IQANK1: variants seen among roughly 807,000 people sequenced by gnomAD.
IQANK1 encodes the protein IQ motif and ankyrin repeat domain-containing protein 1.
A neutral mutation model predicts 22.6 loss-of-function variants in IQANK1; 30 were observed. That is an observed-to-expected ratio of 1.33 (90% confidence interval 0.99 to 1.80). The LOEUF (loss-of-function observed/expected upper bound fraction) is 1.80, where lower values mean the gene tolerates loss of function less well. Ranked by LOEUF, IQANK1 falls within the 40% of genes most tolerant of loss-of-function variation. The probability of loss-of-function intolerance (pLI) is 0.00; values close to 1 mark genes in which losing one functional copy is unlikely to be tolerated. For synonymous variants in IQANK1, 122 were observed against 99.6 expected (o/e 1.23, Z -1.34); for missense variants, 275 against 235.2 (o/e 1.17, Z -1.11).
chr8:143,743,782 G>T (rs1392171306), intron 3 of IQANK1: 2 of 381,948 alleles, frequency 5.2e-6, no homozygotes, highest in African/African-American at 4.3e-5. Context: ...AGATAAGTGA[G>T]ATCAGAAACA....
intron 3 of IQANK1, among the ~76,000 whole-genome samples, chr8:143,763,804 A>G (rs1276652694): frequency 6.6e-6 from 1 of 152,218 alleles, no homozygotes; most frequent in Non-Finnish European, 1.5e-5. Context: ...CTCTGTGGCA[A>G]TGCAAAAACA....
intron 3 of IQANK1, among the ~76,000 whole-genome samples, chr8:143,750,757 T>A (rs1554627923): frequency 6.6e-6 from 1 of 152,102 alleles, no homozygotes; most frequent in Non-Finnish European, 1.5e-5. Flanking sequence ...GAGGTTACAG[T>A]GAGCTATGAT....
At chr8:143,738,376 G>C (rs1461358352) in intron 2 of IQANK1, among the ~76,000 whole-genome samples, 3 of 152,184 alleles carry the variant, frequency 2.0e-5, no homozygotes, top group African/African-American at 4.8e-5. Flanking sequence ...TTGGCCCCCT[G>C]TTCCAGGTCC....
chr8:143,780,473 C>G (rs908605510), intron 7 of IQANK1, among the ~76,000 whole-genome samples: 1 of 152,130 alleles, frequency 6.6e-6, no homozygotes, highest in Non-Finnish European at 1.5e-5. Context: ...CCTCCCTCCT[C>G]CCACCCTCCA....
intron 3 of IQANK1, among the ~76,000 whole-genome samples, chr8:143,748,589 T>C (rs1235499469): frequency 3.2e-5 from 4 of 123,636 alleles, no homozygotes; most frequent in Admixed American, 2.7e-4. Flanking sequence ...TAAATATAGA[T>C]ATGATATATA....
intron 7 of IQANK1, among the ~76,000 whole-genome samples, chr8:143,784,828 C>A (rs1297700120): frequency 6.6e-6 from 1 of 152,166 alleles, no homozygotes; most frequent in Non-Finnish European, 1.5e-5. Flanking sequence ...AAGTGTAATC[C>A]TATACTATGT....
At chr8:143,752,453 G>T (rs1819213818) in intron 3 of IQANK1, among the ~76,000 whole-genome samples, 1 of 152,076 alleles carries the variant, frequency 6.6e-6, no homozygotes, top group Non-Finnish European at 1.5e-5. Context: ...GGGTCTCTTT[G>T]AGTTCATTTT....
At chr8:143,740,544 C>G (rs1818880008) in intron 3 of IQANK1, among the ~76,000 whole-genome samples, 1 of 152,264 alleles carries the variant, frequency 6.6e-6, no homozygotes, top group African/African-American at 2.4e-5. Context: ...GCCTGCCCTC[C>G]TGCTTCTGCG....
rs544807076 is a variant in IQANK1 at position 143,789,973 on chromosome 8, G to C, written c.1198G>C (p.Glu400Gln). 8.1e-7 allele frequency: 1 copy of C among 1,232,048 alleles called. No homozygotes were observed. The highest frequency in any genetic ancestry group is 4.1e-5 in the South Asian group (1 of 24,324). The allele number at this position is 1,232,048 out of a possible 1,614,324, so 76.3% of individuals were successfully genotyped here. A position where few individuals can be genotyped will look rare whatever the true frequency, so the allele number is the denominator to read the frequency against. ...GCTGCACTCTGCTACCCCGACAGGG[G>C]AGGAAGAGGCGCCTGGGCTGAAGTG... ...LELREQTQEG[E>Q]EEAPGLKCQV... Residue 400 changes from glutamate (E) to glutamine (Q), a missense_variant and splice_region_variant, in exon 12 of 14, where the codon GAG becomes CAG. Transcript: ENST00000527139.
intron 3 of IQANK1, among the ~76,000 whole-genome samples, chr8:143,749,439 AATT>A (rs1370986082): frequency 7.4e-6 from 1 of 135,342 alleles, no homozygotes; most frequent in Non-Finnish European, 1.5e-5. Flanking sequence ...TCTCATATAT[AATT>A]ATATATTATA....
At chr8:143,772,848 G>C (rs553952336) in intron 7 of IQANK1, among the ~76,000 whole-genome samples, 91 of 152,322 alleles carry the variant, frequency 6.0e-4, no homozygotes, top group Non-Finnish European at 1.2e-3. Flanking sequence ...GAGAAACTGA[G>C]GCTGGCGATT....
intron 7 of IQANK1, among the ~76,000 whole-genome samples, chr8:143,777,819 GAAAC>G (rs1264353709): frequency 2.0e-5 from 3 of 152,080 alleles, no homozygotes; most frequent in African/African-American, 7.2e-5. Flanking sequence ...GGACCAGTGG[GAAAC>G]AAACAGCAAA....
At chr8:143,754,779 C>T (rs1819258683) in intron 3 of IQANK1, among the ~76,000 whole-genome samples, 2 of 152,130 alleles carry the variant, frequency 1.3e-5, no homozygotes, top group South Asian at 4.1e-4. Context: ...GTGCCAACCA[C>T]CACGCCCGGC....
chr8:143,751,782 T>G (rs528660797), intron 3 of IQANK1, among the ~76,000 whole-genome samples: 6 of 151,012 alleles, frequency 4.0e-5, no homozygotes, highest in African/African-American at 1.5e-4. Flanking sequence ...TCTAGTGTCC[T>G]TTCAACCTGC....
At position 143,771,803 on chromosome 8, in the gene IQANK1, C is replaced by G. The variant is rs2129908225; in HGVS notation, c.309C>G (p.Ala103=). 2.5e-6 allele frequency: 1 copy of G among 396,768 alleles called. No individual in the cohort carries two copies. Among genetic ancestry groups the G allele is most frequent in the Non-Finnish European group, 4.4e-6 (1 of 224,972 alleles). The allele number at this position is 396,768 out of a possible 1,614,324, so 24.6% of individuals were successfully genotyped here. A position where few individuals can be genotyped will look rare whatever the true frequency, so the allele number is the denominator to read the frequency against. ...TGACTTCGGCGGGCGCCTCCCAGGC[C>G]TACCTGGCTCCGGTGCGCCGGGAGC... ...LEQMETPQKE[A]YLAPVRREQE... is the part of the protein sequence containing the mutation. The change falls in exon 5 of 14, where the codon GCC becomes GCG. Residue 103 remains alanine (A), a splice_region_variant and synonymous_variant. Transcript: ENST00000527139. The surrounding 1 kb of genome is among the most constrained non-coding windows in gnomAD (Gnocchi z 6.0).
intron 3 of IQANK1, chr8:143,742,068 G>C (rs886261565): frequency 8.2e-5 from 24 of 293,288 alleles, no homozygotes; most frequent in African/African-American, 5.0e-4. Context: ...CGCTGCGGCC[G>C]ACTCTCTCTA....
At chr8:143,775,852 A>G (rs1554630343) in intron 7 of IQANK1, among the ~76,000 whole-genome samples, 2 of 151,744 alleles carry the variant, frequency 1.3e-5, no homozygotes, top group African/African-American at 2.4e-5. Flanking sequence ...GAAAACTGCA[A>G]TGTCTGAGAT....
chr8:143,748,886 C>CATATATAAATATATATATCATAT (rs567977254), intron 3 of IQANK1, among the ~76,000 whole-genome samples: 44 of 96,808 alleles, frequency 4.5e-4, no homozygotes, highest in East Asian at 3.6e-3. Flanking sequence ...ATATATATAT[C>CATATATAAATATATATATCATAT]ATAAATACTT....
intron 3 of IQANK1, among the ~76,000 whole-genome samples, chr8:143,761,676 C>T (rs562130004): frequency 2.0e-5 from 3 of 152,080 alleles, no homozygotes; most frequent in Non-Finnish European, 4.4e-5. Flanking sequence ...GTAGGAGGAT[C>T]GCTTGAGCCC....
Sources: allele counts gnomAD v4.1 joint callset (sites outside exome capture counted in the v4.1 genomes callset), GRCh38; gene constraint gnomAD v4.1.1; non-coding constraint Gnocchi (gnomAD v3.1); transcripts MANE v1.5; gene names NCBI Gene and HGNC (gene_info 2026-07-23, HGNC 2026-07-21).